CHUK: variants seen among roughly 807,000 people sequenced by gnomAD.
The protein encoded by CHUK is inhibitor of nuclear factor kappa-B kinase subunit alpha.
Under a neutral mutation model 104.8 loss-of-function variants are expected in CHUK, and 35 were observed. The observed-to-expected ratio is 0.33, with a 90% CI of 0.26 to 0.44. The LOEUF (loss-of-function observed/expected upper bound fraction) is 0.44, where lower values mean the gene tolerates loss of function less well. CHUK is among the 20% of genes least tolerant of loss of function. The pLI is 1.00. For missense variants in CHUK, 663 were observed against 902.7 expected, an observed-to-expected ratio of 0.73 and a Z score of 3.40; for synonymous variants, 276 against 291.9, an observed-to-expected ratio of 0.95 and a Z score of 0.56.
Position 100,219,144 on chromosome 10 carries a change from A to G in CHUK, c.565-12T>C. On this transcript the variant is annotated splice_polypyrimidine_tract_variant and intron_variant, in intron 6 of 20. Transcript: ENST00000370397. ...AAGAGCTCTGGGGCCTTCAAAAGAG[A>G]AAATGCTTTAAACACCAACACTGTA... 2 of 1,613,142 alleles carry G rather than the reference A, an allele frequency of 1.2e-6. No homozygotes were observed. The highest frequency in any genetic ancestry group is 1.7e-6 in the Non-Finnish European group (2 of 1,179,138).
rs993952045 is a variant in CHUK, at chr10:100,220,460, G to A, written c.474+128C>T. 5.5e-6 allele frequency: 4 copies of A among 725,012 alleles called. No homozygotes were observed. In the African/African-American group the frequency reaches 6.9e-5, roughly 13 times the overall value. 44.9% of individuals were successfully genotyped at this position (725,012 alleles called of 1,614,324 possible). A position where few individuals can be genotyped will look rare whatever the true frequency, so the allele number is the denominator to read the frequency against. ...TAAACACAAAACTACAGTTCAGTGT[G>A]GTGAGGTCTGAAATGGAAAAAGTAA... On this transcript the variant is annotated intron_variant, in intron 5 of 20. Transcript: ENST00000370397.
At chr10:100,223,131 A>T (rs1429218831) in intron 2 of CHUK, 151 bp from the exon 3 acceptor site, 2 of 527,214 alleles carry the variant, frequency 3.8e-6, no homozygotes, top group Admixed American at 3.3e-5. Flanking sequence ...TATAATTAAA[A>T]ATTAGTAATT....
At chr10:100,227,470 C>T (rs1846130815) in intron 1 of CHUK, among the ~76,000 whole-genome samples, 1 of 152,086 alleles carries the variant, frequency 6.6e-6, no homozygotes, top group Admixed American at 6.5e-5. Flanking sequence ...CAGCATGCAT[C>T]CTTTTTCCTT....
At chr10:100,191,230 T>C (rs1845194285) in intron 19 of CHUK, among the ~76,000 whole-genome samples, 1 of 152,230 alleles carries the variant, frequency 6.6e-6, no homozygotes, top group Non-Finnish European at 1.5e-5. Flanking sequence ...CTCTGAAATG[T>C]AAGATGCACT....
intron 16 of CHUK, among the ~76,000 whole-genome samples, chr10:100,199,508 G>T (rs963002752): frequency 2.0e-5 from 3 of 152,104 alleles, no homozygotes; most frequent in African/African-American, 7.2e-5. Context: ...TCTATTTTTA[G>T]TAGAGATGGG....
chr10:100,216,222 C>T (rs1845852514), intron 9 of CHUK, among the ~76,000 whole-genome samples: 1 of 152,142 alleles, frequency 6.6e-6, no homozygotes, highest in African/African-American at 2.4e-5. Context: ...GAAACAAATG[C>T]GAGATGTGGT....
chr10:100,204,000 C>T (rs1411796018), intron 13 of CHUK, among the ~76,000 whole-genome samples: 1 of 152,212 alleles, frequency 6.6e-6, no homozygotes, highest in Non-Finnish European at 1.5e-5. Context: ...AGATGACCAT[C>T]TTCTTGCTCT....
At chr10:100,213,836 AAAAG>A (rs1845791711) in intron 9 of CHUK, among the ~76,000 whole-genome samples, 1 of 152,208 alleles carries the variant, frequency 6.6e-6, no homozygotes, top group African/African-American at 2.4e-5. Flanking sequence ...AAAATTTTAA[AAAAG>A]AAATACCAAA....
At chr10:100,228,398 A>C (rs1431664001) in intron 1 of CHUK, among the ~76,000 whole-genome samples, 1 of 152,206 alleles carries the variant, frequency 6.6e-6, no homozygotes, top group African/African-American at 2.4e-5. Flanking sequence ...TCACGCCTAT[A>C]ATCTCTGCAC....
chr10:100,224,271 C>G (rs1304474421), intron 2 of CHUK, among the ~76,000 whole-genome samples: 1 of 152,168 alleles, frequency 6.6e-6, no homozygotes, highest in Non-Finnish European at 1.5e-5. Flanking sequence ...TACTCCAGCC[C>G]CAGTCAAGCC....
chr10:100,187,461 T>G (rs1273165898), downstream of CHUK: 2 of 152,246 alleles, frequency 1.3e-5, no homozygotes, highest in Non-Finnish European at 2.9e-5. Flanking sequence ...AAATGATATT[T>G]GCAGAGCTTA....
chr10:100,223,006 TA>T (rs760778830), intron 2 of CHUK, 26 bp from the exon 3 acceptor site: 70 of 1,172,886 alleles, frequency 6.0e-5, no homozygotes, highest in South Asian at 9.9e-5. Context: ...AACATTACAA[TA>T]AAAAAAATTA....
chr10:100,198,358 G>A (rs963039286), intron 16 of CHUK, among the ~76,000 whole-genome samples: 9 of 152,114 alleles, frequency 5.9e-5, no homozygotes, highest in Non-Finnish European at 7.3e-5. Flanking sequence ...ATACTCAAGC[G>A]TTGAGATTTA....
At chr10:100,196,222 C>T (rs980744804) in intron 16 of CHUK, among the ~76,000 whole-genome samples, 1 of 152,126 alleles carries the variant, frequency 6.6e-6, no homozygotes. Flanking sequence ...CATCTTCAAC[C>T]TTTTTATCCT....
intron 1 of CHUK, among the ~76,000 whole-genome samples, chr10:100,228,109 A>G (rs1157892937): frequency 1.3e-5 from 2 of 152,238 alleles, no homozygotes; most frequent in Non-Finnish European, 2.9e-5. Flanking sequence ...CAGGTACCGT[A>G]TTTAGCTTTA....
chr10:100,205,309 A>G, intron 11 of CHUK, 110 bp from the exon 12 acceptor site: 2 of 1,156,220 alleles, frequency 1.7e-6, no homozygotes, highest in Non-Finnish European at 2.6e-6. Flanking sequence ...CAGGATTCCC[A>G]TAGATGCTAG....
intron 11 of CHUK, among the ~76,000 whole-genome samples, chr10:100,206,239 A>C (rs1000768673): frequency 6.6e-6 from 1 of 151,236 alleles, no homozygotes; most frequent in African/African-American, 2.4e-5. Context: ...AATGTAAAAT[A>C]GATTTTTTTT....
At chr10:100,223,464 C>A (rs989874698) in intron 2 of CHUK, among the ~76,000 whole-genome samples, 3 of 151,902 alleles carry the variant, frequency 2.0e-5, no homozygotes, top group South Asian at 4.2e-4. Context: ...CACAGTGAGA[C>A]CTCATCTCTA....
chr10:100,224,670 C>T (rs889940005), intron 2 of CHUK, among the ~76,000 whole-genome samples: 2 of 151,960 alleles, frequency 1.3e-5, no homozygotes, highest in Admixed American at 6.6e-5. Context: ...CTCCTGACCT[C>T]AGGTAATCCA....
Sources: allele counts gnomAD v4.1 joint callset (sites outside exome capture counted in the v4.1 genomes callset), GRCh38; gene constraint gnomAD v4.1.1; transcripts MANE v1.5; gene names NCBI Gene and HGNC (gene_info 2026-07-23, HGNC 2026-07-21).